Variants in CSMD3 observed in about 807,000 individuals in gnomAD.
The protein encoded by CSMD3 is CUB and Sushi multiple domains 3.
In CSMD3, 177 loss-of-function variants were observed where a neutral mutation model predicts 435.2. The ratio of observed to expected loss-of-function variants is 0.41; its 90% CI spans 0.36 to 0.46. The LOEUF is 0.46. Ranked by LOEUF, CSMD3 falls within the 20% of genes least tolerant of loss-of-function variation. CSMD3 has a pLI of 0.34. For synonymous variants in CSMD3, 1,656 were observed against 1,520.5 expected (o/e 1.09, Z -2.07); for missense variants, 4,265 against 4,504.6 (o/e 0.95, Z 1.52).
At chr8:112,642,306 T>C (rs2074853161) in intron 20 of CSMD3, among the ~76,000 whole-genome samples, 1 of 152,112 alleles carries the variant, frequency 6.6e-6, no homozygotes, top group Non-Finnish European at 1.5e-5. Context: ...AGGTTTCCCG[T>C]AACTATTTAT....
chr8:113,023,346 C>G (rs1246099952), intron 5 of CSMD3, among the ~76,000 whole-genome samples: 1 of 151,958 alleles, frequency 6.6e-6, no homozygotes, highest in Non-Finnish European at 1.5e-5. Flanking sequence ...ACCTCCATGA[C>G]TTTGTATCCC....
chr8:112,774,185 C>G (rs1229929825), intron 13 of CSMD3, among the ~76,000 whole-genome samples: 1 of 151,978 alleles, frequency 6.6e-6, no homozygotes, highest in Admixed American at 6.6e-5. Flanking sequence ...ATTATTCTCT[C>G]CATCTACAAC....
At chr8:112,431,679 A>G (rs774070725) in intron 32 of CSMD3, among the ~76,000 whole-genome samples, 1 of 152,150 alleles carries the variant, frequency 6.6e-6, no homozygotes, top group Non-Finnish European at 1.5e-5. Context: ...CTACAAAGTG[A>G]AATTATTTTT....
At chr8:112,854,888 C>T (rs2511534) in intron 11 of CSMD3, among the ~76,000 whole-genome samples, 20,911 of 152,076 alleles carry the variant, frequency 0.14, 1,706 homozygotes, top group Middle Eastern at 0.3. Context: ...TCATTCTCCA[C>T]ACAGAGCAAT....
chr8:112,353,321 C>T (rs62514422), intron 38 of CSMD3, among the ~76,000 whole-genome samples: 27,433 of 151,860 alleles, frequency 0.18, 3,046 homozygotes, highest in Middle Eastern at 0.35. Context: ...ACCCAGGAGG[C>T]GGAGGTTGCA....
chr8:113,223,218 C>T (rs533352213), intron 3 of CSMD3, among the ~76,000 whole-genome samples: 11 of 150,190 alleles, frequency 7.3e-5, no homozygotes, highest in Non-Finnish European at 1.2e-4. Context: ...ACTAATATTA[C>T]TAATTGCTGC....
intron 59 of CSMD3, among the ~76,000 whole-genome samples, chr8:112,280,401 C>T (rs552779496): frequency 6.6e-6 from 1 of 151,950 alleles, no homozygotes; most frequent in South Asian, 2.1e-4. Flanking sequence ...CTCCTGAGTA[C>T]CTGGGACTCC....
intron 40 of CSMD3, among the ~76,000 whole-genome samples, chr8:112,346,991 T>C (rs1030111641): frequency 4.6e-5 from 7 of 152,084 alleles, no homozygotes; most frequent in African/African-American, 1.7e-4. Flanking sequence ...AAGCAAAATA[T>C]TGGTTTCCAT....
chr8:113,415,506 T>G (rs576319992), intron 1 of CSMD3, among the ~76,000 whole-genome samples: 1 of 152,042 alleles, frequency 6.6e-6, no homozygotes, highest in African/African-American at 2.4e-5. Flanking sequence ...ATGAACAGAG[T>G]GTTTAATTTT....
chr8:112,256,140 TTATTC>T (rs1319091268), intron 61 of CSMD3, among the ~76,000 whole-genome samples: 1 of 152,118 alleles, frequency 6.6e-6, no homozygotes, highest in East Asian at 1.9e-4. Flanking sequence ...AAGAAAAACA[TTATTC>T]TAGGTGGTTT....
chr8:112,755,148 G>A (rs1033703909), intron 13 of CSMD3, among the ~76,000 whole-genome samples: 2 of 151,840 alleles, frequency 1.3e-5, no homozygotes, highest in African/African-American at 2.4e-5. Flanking sequence ...TGGCTAACAC[G>A]GTGAAACCCT....
intron 5 of CSMD3, among the ~76,000 whole-genome samples, chr8:113,074,229 T>C (rs372576741): frequency 3.3e-5 from 5 of 151,798 alleles, no homozygotes; most frequent in East Asian, 3.9e-4. Flanking sequence ...CACATATCTC[T>C]TTCCTACATG....
chr8:112,719,107 T>C (rs953971237), intron 13 of CSMD3, among the ~76,000 whole-genome samples: 28 of 152,108 alleles, frequency 1.8e-4, no homozygotes, highest in African/African-American at 6.8e-4. Context: ...AAAATTTCAT[T>C]AGACAAAACA....
In CSMD3 at chr8:112,556,865, T is replaced by A. The variant is rs779244044; in HGVS notation, c.4132A>T (p.Ile1378Phe). 1 of 1,612,138 alleles carries A rather than the reference T, an allele frequency of 6.2e-7. No individual in the cohort carries two copies. Among genetic ancestry groups the A allele is most frequent in the Non-Finnish European group, 8.5e-7 (1 of 1,178,698 alleles). ...DQGHFAGSTI[I>F]YGCNPGYTLH... ...GTGTAGCCTGGATTGCATCCATAAA[T>A]GATGGTGCTACCAGCAAAGTGGCCT... Residue 1378 changes from isoleucine to phenylalanine, a missense_variant, in exon 25 of 71, where the codon ATT becomes TTT. Coordinates refer to ENST00000297405, the MANE Select transcript of CSMD3 (RefSeq NM_198123.2).
intron 3 of CSMD3, among the ~76,000 whole-genome samples, chr8:113,263,787 A>C (rs747805728): frequency 6.6e-6 from 1 of 151,860 alleles, no homozygotes; most frequent in Non-Finnish European, 1.5e-5. Context: ...GGTATATTGA[A>C]AACATTTTAC....
At chr8:113,283,914 G>A (rs1307159892) in intron 2 of CSMD3, among the ~76,000 whole-genome samples, 2 of 152,028 alleles carry the variant, frequency 1.3e-5, no homozygotes, top group Admixed American at 6.6e-5. Context: ...GCCATAAAAA[G>A]GAATGAATTA....
In CSMD3 at chr8:112,947,852, A is replaced by G. The variant is rs2130798286; in HGVS notation, c.1446T>C (p.Ala482=). The G allele has an allele frequency of 6.5e-7, 1 of 1,538,992 alleles. No individual in the cohort carries two copies. The highest frequency in any genetic ancestry group is 9.0e-7 in the Non-Finnish European group (1 of 1,113,488). ...CTCCTGGATCTGGGCATAAATTGGAAGCTGTTTTAATACCTCCCTCATTTA... is the reference window on the plus strand; with the variant it reads ...CTCCTGGATCTGGGCATAAATTGGAGGCTGTTTTAATACCTCCCTCATTTA... ...SILNEGGIKT[A]SNLCPDPGEP... The change falls in exon 9 of 71, where the codon GCT becomes GCC. Residue 482 remains alanine (A), a synonymous_variant. Transcript: ENST00000297405.
intron 5 of CSMD3, among the ~76,000 whole-genome samples, chr8:113,071,675 T>TA (rs2089128427): frequency 6.6e-6 from 1 of 151,856 alleles, no homozygotes; most frequent in African/African-American, 2.4e-5. Context: ...TGTCTGTTTT[T>TA]ATGGTAGTTA....
intron 24 of CSMD3, among the ~76,000 whole-genome samples, chr8:112,559,841 G>T (rs1828459695): frequency 6.6e-6 from 1 of 151,698 alleles, no homozygotes; most frequent in African/African-American, 2.4e-5. Context: ...GGACAATTAG[G>T]TGAAAACTTA....
Sources: allele counts gnomAD v4.1 joint callset (sites outside exome capture counted in the v4.1 genomes callset), GRCh38; gene constraint gnomAD v4.1.1; transcripts MANE v1.5; gene names NCBI Gene and HGNC (gene_info 2026-07-23, HGNC 2026-07-21).